The following DIAPH3 variants were observed in gnomAD, a reference collection of about 807,000 sequenced individuals.
The protein encoded by DIAPH3 is protein diaphanous homolog 3.
In DIAPH3, 117 loss-of-function variants were observed where a neutral mutation model predicts 144.3. The ratio of observed to expected loss-of-function variants is 0.81; its 90% CI spans 0.70 to 0.95. The LOEUF (loss-of-function observed/expected upper bound fraction) is 0.95, where lower values mean the gene tolerates loss of function less well. Ranked by LOEUF, DIAPH3 falls within the 40% of genes least tolerant of loss-of-function variation. DIAPH3 has a pLI of 0.00. For missense variants in DIAPH3, 1,421 were observed against 1,412.7 expected (o/e 1.01, Z -0.09); for synonymous variants, 519 against 488.9 (o/e 1.06, Z -0.81).
intron 27 of DIAPH3, among the ~76,000 whole-genome samples, chr13:59,742,196 C>T (rs1414931648): frequency 6.6e-6 from 1 of 152,126 alleles, no homozygotes; most frequent in African/African-American, 2.4e-5. Context: ...TACCTGGCCC[C>T]ACCCTAGACA....
chr13:59,704,800 G>A (rs1328109823), intron 27 of DIAPH3, among the ~76,000 whole-genome samples: 5 of 152,126 alleles, frequency 3.3e-5, no homozygotes, highest in African/African-American at 1.2e-4. Flanking sequence ...GCTCTATTAT[G>A]TTCGCATGAC....
chr13:60,013,484 A>G (rs1165433532), intron 7 of DIAPH3: 1 of 152,170 alleles, frequency 6.6e-6, no homozygotes, highest in African/African-American at 2.4e-5. Flanking sequence ...AACTGACCAA[A>G]CTGAAGTCTC....
intron 1 of DIAPH3, among the ~76,000 whole-genome samples, chr13:60,154,944 T>C (rs1951951359): frequency 6.6e-6 from 1 of 152,216 alleles, no homozygotes; most frequent in African/African-American, 2.4e-5. Flanking sequence ...CCTGTATTAT[T>C]CTGCAGCATA....
At chr13:59,836,973 C>T (rs1376366413) in intron 23 of DIAPH3, among the ~76,000 whole-genome samples, 1 of 151,902 alleles carries the variant, frequency 6.6e-6, no homozygotes, top group Non-Finnish European at 1.5e-5. Context: ...ATTTAATATG[C>T]AAAATCTGAC....
In DIAPH3 at chr13:59,907,296, C is replaced by G. The variant is rs1466921163; in HGVS notation, c.2367+4439G>C. Reference sequence around the variant, plus strand: ...CAGTGTCCTCTGCCCAGAACCTAAACCAACAAAAACAGCATGTAAATGGCC... The same window carrying G: ...CAGTGTCCTCTGCCCAGAACCTAAAGCAACAAAAACAGCATGTAAATGGCC... On this transcript the variant is annotated intron_variant, in intron 20 of 27. Coordinates refer to ENST00000400324, the MANE Select transcript of DIAPH3 (RefSeq NM_001042517.2). Among the ~76,000 whole-genome samples, 3 of 152,082 alleles carry G rather than the reference C, an allele frequency of 2.0e-5. 1 individual carries two copies. The highest frequency in any genetic ancestry group is 4.4e-5 in the Non-Finnish European group (3 of 68,014).
intron 9 of DIAPH3, among the ~76,000 whole-genome samples, chr13:59,993,775 T>C (rs1383552034): frequency 2.0e-5 from 3 of 147,994 alleles, no homozygotes; most frequent in Non-Finnish European, 4.5e-5. Context: ...AACCAGTTCA[T>C]GTCAAAAAGT....
At chr13:60,073,028 G>C (rs953253860) in intron 4 of DIAPH3, among the ~76,000 whole-genome samples, 1 of 152,094 alleles carries the variant, frequency 6.6e-6, no homozygotes, top group African/African-American at 2.4e-5. Flanking sequence ...GAAAATATAG[G>C]CCGGGCACAG....
At chr13:59,685,479 G>A (rs17057021) in intron 27 of DIAPH3, among the ~76,000 whole-genome samples, 6,645 of 152,190 alleles carry the variant, frequency 0.044, 224 homozygotes, top group South Asian at 0.1. Context: ...ACACATTAGC[G>A]CACAGAGCAT....
At chr13:59,729,746 G>A (rs964316074) in intron 27 of DIAPH3, among the ~76,000 whole-genome samples, 1 of 151,122 alleles carries the variant, frequency 6.6e-6, no homozygotes, top group Non-Finnish European at 1.5e-5. Context: ...ATTACTATTG[G>A]GGGAAAACTG....
chr13:59,692,849 T>C (rs1296619791), intron 27 of DIAPH3, among the ~76,000 whole-genome samples: 1 of 152,176 alleles, frequency 6.6e-6, no homozygotes, highest in African/African-American at 2.4e-5. Context: ...CTGTCAAAAG[T>C]GTGAAATACT....
intron 24 of DIAPH3, among the ~76,000 whole-genome samples, chr13:59,830,009 T>A (rs954017448): frequency 1.3e-5 from 2 of 151,962 alleles, no homozygotes; most frequent in Non-Finnish European, 2.9e-5. Flanking sequence ...CAGTACTTTT[T>A]AAGAAGAAAA....
intron 11 of DIAPH3, among the ~76,000 whole-genome samples, 179 bp downstream of exon 11, chr13:59,991,889 T>C (rs1390816300): frequency 1.3e-5 from 2 of 152,056 alleles, no homozygotes; most frequent in South Asian, 2.1e-4. Flanking sequence ...AGCATACGCT[T>C]ACATATATGT....
At chr13:59,748,361 T>C (rs1235822604) in intron 27 of DIAPH3, among the ~76,000 whole-genome samples, 1 of 152,152 alleles carries the variant, frequency 6.6e-6, no homozygotes, top group African/African-American at 2.4e-5. Context: ...ATGCAATACA[T>C]TGCAAGGTTT....
intron 20 of DIAPH3, among the ~76,000 whole-genome samples, chr13:59,887,249 C>A (rs1303279945): frequency 2.0e-5 from 3 of 151,994 alleles, no homozygotes; most frequent in African/African-American, 7.2e-5. Context: ...TTCCTGGGAT[C>A]AATTCCATGT....
chr13:59,974,231 T>G lies in DIAPH3; in HGVS notation c.1650+121A>C. On this transcript the variant is annotated intron_variant, in intron 15 of 27. Transcript: ENST00000400324. Reference sequence around the variant, plus strand: ...AAATAGCAAAACACAGTACAAATAATGCTATAAAAATATACAAGCAAAATT... The same window carrying G: ...AAATAGCAAAACACAGTACAAATAAGGCTATAAAAATATACAAGCAAAATT... 3 of 786,168 alleles carry G rather than the reference T, an allele frequency of 3.8e-6. No homozygotes were observed. The South Asian group carries it at 4.6e-5, about 12-fold the overall frequency. The allele number at this position is 786,168 out of a possible 1,614,324, so 48.7% of individuals were successfully genotyped here. A position where few individuals can be genotyped will look rare whatever the true frequency, so the allele number is the denominator to read the frequency against.
chr13:59,759,970 A>AACAC (rs1202366289), intron 27 of DIAPH3, among the ~76,000 whole-genome samples: 1 of 151,988 alleles, frequency 6.6e-6, no homozygotes, highest in Non-Finnish European at 1.5e-5. Context: ...CAAACAAACA[A>AACAC]ACAAACAAAC....
intron 27 of DIAPH3, among the ~76,000 whole-genome samples, chr13:59,667,312 C>T (rs1005169030): frequency 1.3e-5 from 2 of 152,170 alleles, no homozygotes. Context: ...GTCTGTCTTA[C>T]TAGAATGTGT....
At chr13:59,934,836 T>A (rs1341124392) in intron 17 of DIAPH3, among the ~76,000 whole-genome samples, 1 of 152,156 alleles carries the variant, frequency 6.6e-6, no homozygotes, top group Non-Finnish European at 1.5e-5. Context: ...GAAAGCAGTC[T>A]GCAACCAAGC....
At chr13:60,050,687 A>T (rs73216400) in intron 4 of DIAPH3, among the ~76,000 whole-genome samples, 10,677 of 152,228 alleles carry the variant, frequency 0.07, 418 homozygotes, top group Admixed American at 0.11. Context: ...CTTATAAACC[A>T]TGGTAAGGAC....
Sources: allele counts gnomAD v4.1 joint callset (sites outside exome capture counted in the v4.1 genomes callset), GRCh38; gene constraint gnomAD v4.1.1; transcripts MANE v1.5; gene names NCBI Gene and HGNC (gene_info 2026-07-23, HGNC 2026-07-21).